The following CYP20A1 variants were observed in gnomAD, a reference collection of about 807,000 sequenced individuals.
CYP20A1 encodes cytochrome P450 20A1.
CYP20A1 carries 61 observed loss-of-function variants against 61.4 expected under a neutral mutation model. The ratio of observed to expected loss-of-function variants is 0.99; its 90% CI spans 0.81 to 1.23. The LOEUF (loss-of-function observed/expected upper bound fraction) is 1.23, where lower values mean the gene tolerates loss of function less well. Among genes scored for constraint, CYP20A1 ranks in the 50% most tolerant of loss-of-function variants. The pLI is 0.00. For synonymous variants in CYP20A1, 193 were observed against 188.2 expected (o/e 1.03, Z -0.21); for missense variants, 530 against 542.4 (o/e 0.98, Z 0.23).
At position 203,300,744 on chromosome 2, in the gene CYP20A1, C is replaced by T. The variant is rs900586600; in HGVS notation, c.*3836C>T. The stretch of plus-strand genomic sequence containing the variant: ...GTCTCTACCAAAAATACAAAATTAG[C>T]CGGGCATGATGGAGCATCCCTGTAA... On this transcript the variant is annotated 3_prime_UTR_variant, in exon 13 of 13. Coordinates refer to ENST00000356079, the MANE Select transcript of CYP20A1 (RefSeq NM_177538.3). 6.6e-6 allele frequency among the ~76,000 whole-genome samples: 1 copy of T among 151,254 alleles called. No homozygotes were observed. The highest frequency in any genetic ancestry group is 2.4e-5 in the African/African-American group (1 of 41,114).
intron 8 of CYP20A1, among the ~76,000 whole-genome samples, chr2:203,284,728 G>A (rs1575254403): frequency 7.1e-6 from 1 of 141,528 alleles, no homozygotes; most frequent in East Asian, 2.2e-4. Context: ...TGGTTTTTGA[G>A]AACCACTGCT....
At chr2:203,292,232 C>T in intron 10 of CYP20A1, 30 bp from the exon 11 acceptor site, 13 of 1,546,328 alleles carry the variant, frequency 8.4e-6, no homozygotes, top group Non-Finnish European at 9.8e-6. Flanking sequence ...TCTGTTAGTC[C>T]TTGACTAATT....
intron 4 of CYP20A1, among the ~76,000 whole-genome samples, chr2:203,254,264 C>G (rs1325731582): frequency 1.3e-5 from 2 of 151,934 alleles, no homozygotes; most frequent in East Asian, 3.9e-4. Context: ...TATTTTTAAC[C>G]CTTGCCTTCC....
intron 6 of CYP20A1, among the ~76,000 whole-genome samples, chr2:203,273,419 T>C (rs192450588): frequency 1.3e-4 from 20 of 152,328 alleles, no homozygotes; most frequent in African/African-American, 4.6e-4. Context: ...TAGTACTGTT[T>C]CTGCAAGTAG....
intron 4 of CYP20A1, among the ~76,000 whole-genome samples, chr2:203,252,867 A>G (rs1357772550): frequency 2.0e-5 from 3 of 152,010 alleles, no homozygotes; most frequent in African/African-American, 7.2e-5. Context: ...AGGGCCCTCC[A>G]TTCACACACT....
intron 4 of CYP20A1, among the ~76,000 whole-genome samples, chr2:203,265,157 T>C (rs530672457): frequency 6.6e-6 from 1 of 152,330 alleles, no homozygotes; most frequent in East Asian, 1.9e-4. Flanking sequence ...TTGGCAGTAT[T>C]CAAACTTAGG....
intron 11 of CYP20A1, among the ~76,000 whole-genome samples, chr2:203,296,169 TAGA>T (rs2068788590): frequency 6.6e-6 from 1 of 151,764 alleles, no homozygotes. Flanking sequence ...GAAGCTGAGG[TAGA>T]AGGATAGTTT....
rs755517457 is a variant in CYP20A1, at chr2:203,289,860, T to C, written c.1067T>C (p.Phe356Ser). 1.3e-6 allele frequency: 2 copies of C among 1,565,974 alleles called. No individual in the cohort carries two copies. Among genetic ancestry groups the C allele is most frequent in the Non-Finnish European group, 1.7e-6 (2 of 1,143,826 alleles). The change falls in exon 10 of 13, where the codon TTT becomes TCT. Residue 356 changes from phenylalanine (F) to serine (S), a missense_variant. Transcript: ENST00000356079. The stretch of plus-strand genomic sequence containing the variant: ...GATATTGAAGGAAAAATTGACCGAT[T>C]TATTATTCCTAGAGAGGTAGAAAAC... ...LQDIEGKIDRFIIPRETLVLY... is the reference protein window; with the variant it reads ...LQDIEGKIDRSIIPRETLVLY...
intron 7 of CYP20A1, 55 bp from the exon 8 acceptor site, chr2:203,280,004 T>C (rs2067978795): frequency 8.1e-7 from 1 of 1,238,946 alleles, no homozygotes; most frequent in African/African-American, 1.5e-5. Flanking sequence ...TAGCAGGGCC[T>C]AATATAGGCT....
chr2:203,276,998 G>T (rs1328887304), intron 6 of CYP20A1, among the ~76,000 whole-genome samples: 1 of 152,172 alleles, frequency 6.6e-6, no homozygotes, highest in Non-Finnish European at 1.5e-5. Flanking sequence ...TGAGCAGGCA[G>T]TAAAGTGGGA....
Position 203,303,864 on chromosome 2 carries a change from A to G in CYP20A1, c.*6956A>G, listed in dbSNP as rs1290091126. 1.4e-5 allele frequency among the ~76,000 whole-genome samples: 2 copies of G among 140,756 alleles called. No homozygotes were observed. The highest frequency in any genetic ancestry group is 2.6e-4 in the South Asian group (1 of 3,876). 92.3% of individuals were successfully genotyped at this position (140,756 alleles called of 152,430 possible). A position where few individuals can be genotyped will look rare whatever the true frequency, so the allele number is the denominator to read the frequency against. ...TGCACTCCAGCTTAGGCAATAAAAC[A>G]AGACTGTCTCAAAAAAAAAAAAAAA... On this transcript the variant is annotated 3_prime_UTR_variant, in exon 13 of 13. Transcript: ENST00000356079.
At chr2:203,258,073 T>C (rs1254216676) in intron 4 of CYP20A1, among the ~76,000 whole-genome samples, 2 of 107,040 alleles carry the variant, frequency 1.9e-5, no homozygotes, top group Non-Finnish European at 4.6e-5. Context: ...AGCTAATTTT[T>C]GTATTTTTAT....
At chr2:203,280,579 T>G (rs2068003205) in intron 8 of CYP20A1, among the ~76,000 whole-genome samples, 1 of 152,126 alleles carries the variant, frequency 6.6e-6, no homozygotes, top group Non-Finnish European at 1.5e-5. Flanking sequence ...CGCATGCCTG[T>G]GGTTGCAGCC....
chr2:203,250,395 T>C (rs2066615060), intron 3 of CYP20A1, among the ~76,000 whole-genome samples: 1 of 152,152 alleles, frequency 6.6e-6, no homozygotes. Context: ...AAGAGAAACC[T>C]GAGGTACAGA....
At position 203,272,422 on chromosome 2, in the gene CYP20A1, G is replaced by C. The variant is rs571707930; in HGVS notation, c.601-248G>C. 6.1e-4 allele frequency among the ~76,000 whole-genome samples: 92 copies of C among 151,770 alleles called. 1 individual carries two copies. The highest frequency in any genetic ancestry group is 1.3e-3 in the Non-Finnish European group (85 of 67,948). On this transcript the variant is annotated intron_variant, in intron 5 of 12. Coordinates refer to ENST00000356079, the MANE Select transcript of CYP20A1 (RefSeq NM_177538.3). ...CTGGCGTTGGTGGCACACAACTGTA[G>C]TCCCAGCTACTTGGGAGGCTGAGGT...
rs1333447731 is a variant in CYP20A1 at position 203,299,814 on chromosome 2, C to T, written c.*2906C>T. 4.0e-5 allele frequency among the ~76,000 whole-genome samples: 6 copies of T among 151,832 alleles called. No individual in the cohort carries two copies. The highest frequency in any genetic ancestry group is 6.6e-5 in the Admixed American group (1 of 15,222). On this transcript the variant is annotated 3_prime_UTR_variant, in exon 13 of 13. Transcript: ENST00000356079. Reference sequence around the variant, plus strand: ...GCTTGAACCTGGGAGGCAGAGGTTGCGGTGAGCCAAGATCGCGCCATTGCA... The same window carrying T: ...GCTTGAACCTGGGAGGCAGAGGTTGTGGTGAGCCAAGATCGCGCCATTGCA...
At chr2:203,274,188 A>T (rs1007090563) in intron 6 of CYP20A1, among the ~76,000 whole-genome samples, 8 of 142,528 alleles carry the variant, frequency 5.6e-5, no homozygotes, top group East Asian at 2.0e-4. Context: ...TTTTAAAATA[A>T]TTTTTTTTTT....
intron 8 of CYP20A1, among the ~76,000 whole-genome samples, chr2:203,284,883 C>T (rs1240411721): frequency 6.6e-6 from 1 of 151,574 alleles, no homozygotes; most frequent in Non-Finnish European, 1.5e-5. Context: ...GTAGCTGGGA[C>T]TATAGGCACA....
At chr2:203,294,564 CATAT>C (rs983638808) in intron 11 of CYP20A1, among the ~76,000 whole-genome samples, 4 of 152,028 alleles carry the variant, frequency 2.6e-5, no homozygotes, top group African/African-American at 9.7e-5. Context: ...AATAATCACA[CATAT>C]ATAGAGTACG....
Sources: gnomAD v4.1 joint callset for allele counts (sites outside exome capture counted in the v4.1 genomes callset) on GRCh38, gnomAD v4.1.1 for gene constraint, MANE v1.5 for transcripts, NCBI Gene and HGNC (gene_info 2026-07-23, HGNC 2026-07-21) for gene names.